The following COL5A2 variants were observed in gnomAD, a reference collection of about 807,000 sequenced individuals.
The protein encoded by COL5A2 is collagen alpha-2(V) chain.
Under a neutral mutation model 208.2 loss-of-function variants are expected in COL5A2, and 23 were observed. The ratio of observed to expected loss-of-function variants is 0.11; its 90% CI spans 0.08 to 0.16. The LOEUF (loss-of-function observed/expected upper bound fraction) is 0.16, where lower values mean the gene tolerates loss of function less well. Ranked by LOEUF, COL5A2 falls within the 10% of genes least tolerant of loss-of-function variation. The pLI, the probability that COL5A2 is intolerant of heterozygous loss-of-function variation, is 1.00. For synonymous variants in COL5A2, 625 were observed against 628.5 expected, an observed-to-expected ratio of 0.99 and a Z score of 0.08; for missense variants, 1,590 against 1,956.4, an observed-to-expected ratio of 0.81 and a Z score of 3.53.
chr2:189,050,060 T>C (rs1685751510), intron 43 of COL5A2, among the ~76,000 whole-genome samples: 1 of 152,182 alleles, frequency 6.6e-6, no homozygotes. Flanking sequence ...CAAACTTTTA[T>C]CCATACTCCA....
intron 1 of COL5A2, among the ~76,000 whole-genome samples, chr2:189,143,332 G>A (rs1411010371): frequency 1.3e-5 from 2 of 152,110 alleles, no homozygotes; most frequent in African/African-American, 2.4e-5. Flanking sequence ...TCACCTGGAG[G>A]TGGCACTGTT....
chr2:189,243,431 A>C, the COL5A2 span, among the ~76,000 whole-genome samples: 1 of 152,198 alleles, frequency 6.6e-6, no homozygotes, highest in East Asian at 1.9e-4. Context: ...TCATGGCAGA[A>C]GGCAAGGAAG....
chr2:189,353,671 G>C, the COL5A2 span, among the ~76,000 whole-genome samples: 1 of 152,226 alleles, frequency 6.6e-6, no homozygotes, highest in African/African-American at 2.4e-5. Context: ...GTGCTTATCA[G>C]CTTAAGGAGA....
intron 1 of COL5A2, among the ~76,000 whole-genome samples, chr2:189,127,423 G>A (rs921946568): frequency 2.6e-5 from 4 of 151,956 alleles, no homozygotes; most frequent in African/African-American, 9.7e-5. Context: ...ATGTATTTTG[G>A]CTCTTAATCT....
the COL5A2 span, among the ~76,000 whole-genome samples, chr2:189,303,075 T>C: frequency 5.0e-3 from 756 of 152,268 alleles, 9 homozygotes; most frequent in African/African-American, 0.017. Context: ...AAAAAGAAAT[T>C]TGCACTAGTT....
At chr2:189,358,804 A>C in the COL5A2 span, among the ~76,000 whole-genome samples, 1 of 151,748 alleles carries the variant, frequency 6.6e-6, no homozygotes, top group Non-Finnish European at 1.5e-5. Flanking sequence ...CTTTGATTAA[A>C]TTTATTCCTA....
intron 23 of COL5A2, among the ~76,000 whole-genome samples, chr2:189,065,935 C>T (rs1682696866): frequency 6.6e-6 from 1 of 152,210 alleles, no homozygotes; most frequent in Non-Finnish European, 1.5e-5. Context: ...GATCCTCTTT[C>T]CTAACCACCT....
the COL5A2 span, among the ~76,000 whole-genome samples, chr2:189,314,873 T>G: frequency 6.6e-6 from 1 of 152,244 alleles, no homozygotes; most frequent in South Asian, 2.1e-4. Flanking sequence ...CTCCTACGAC[T>G]GAACCAGGAA....
chr2:189,079,892 T>A, intron 14 of COL5A2, 86 bp downstream of exon 14: 1 of 1,124,278 alleles, frequency 8.9e-7, no homozygotes, highest in Non-Finnish European at 1.4e-6. Context: ...TCCTGCTGAA[T>A]TAAGGTGGTT....
chr2:189,193,952 C>T (rs1688962899), intron 1 of COL5A2, among the ~76,000 whole-genome samples: 1 of 152,032 alleles, frequency 6.6e-6, no homozygotes, highest in Non-Finnish European at 1.5e-5. Flanking sequence ...AAAAATAATG[C>T]CACTCTTCTA....
At chr2:189,171,119 G>A (rs1279723094) in intron 1 of COL5A2, among the ~76,000 whole-genome samples, 5 of 151,832 alleles carry the variant, frequency 3.3e-5, no homozygotes, top group Non-Finnish European at 7.4e-5. Context: ...GTGAGAGAGA[G>A]AGTTTGTGTG....
the COL5A2 span, among the ~76,000 whole-genome samples, chr2:189,427,743 T>G: frequency 2.6e-5 from 4 of 152,216 alleles, no homozygotes; most frequent in Non-Finnish European, 5.9e-5. Flanking sequence ...TTTGGAGCTT[T>G]AAGATTTAAT....
At chr2:189,116,660 TTTACTTTCTAGTGAGCCCCGCAAGC>T (rs1687397601) in intron 1 of COL5A2, among the ~76,000 whole-genome samples, 1 of 152,244 alleles carries the variant, frequency 6.6e-6, no homozygotes, top group Non-Finnish European at 1.5e-5. Context: ...TGCAAAGACT[TTTACTTTCTAGTGAGCCCCGCAAGC>T]TTAAATCTGG....
At chr2:189,298,911 T>C in the COL5A2 span, among the ~76,000 whole-genome samples, 4 of 152,232 alleles carry the variant, frequency 2.6e-5, no homozygotes, top group African/African-American at 9.6e-5. Flanking sequence ...CACTTACTAC[T>C]AACTCTGAAG....
At chr2:189,066,841 C>T in intron 21 of COL5A2, 59 bp from the exon 22 acceptor site, 1 of 1,301,596 alleles carries the variant, frequency 7.7e-7, no homozygotes. Context: ...CCAATCTGCT[C>T]AAATTAGTTA....
At chr2:189,161,118 C>T (rs1688355476) in intron 1 of COL5A2, among the ~76,000 whole-genome samples, 1 of 150,952 alleles carries the variant, frequency 6.6e-6, no homozygotes, top group South Asian at 2.1e-4. Context: ...CCGCGCCCGG[C>T]TGTACTTTTT....
the COL5A2 span, among the ~76,000 whole-genome samples, chr2:189,326,000 G>C: frequency 6.6e-6 from 1 of 151,398 alleles, no homozygotes; most frequent in South Asian, 2.1e-4. Context: ...GGGAGGCTGA[G>C]GCAGGAGAAT....
chr2:189,319,380 G>A, the COL5A2 span, among the ~76,000 whole-genome samples: 2,513 of 152,338 alleles, frequency 0.016, 23 homozygotes, highest in Middle Eastern at 0.037. Context: ...CGCCTAATCC[G>A]GGAAGTGCAA....
At chr2:189,043,540 T>C (rs1685603230) in intron 47 of COL5A2, among the ~76,000 whole-genome samples, 1 of 152,188 alleles carries the variant, frequency 6.6e-6, no homozygotes, top group Admixed American at 6.5e-5. Flanking sequence ...TAAAATTAGA[T>C]ATTTTTGTTT....
Sources: gnomAD v4.1 joint callset for allele counts (sites outside exome capture counted in the v4.1 genomes callset) on GRCh38, gnomAD v4.1.1 for gene constraint, MANE v1.5 for transcripts, NCBI Gene and HGNC (gene_info 2026-07-23, HGNC 2026-07-21) for gene names.